The following CAMKK1 variants were observed in gnomAD, a reference collection of about 807,000 sequenced individuals.
CAMKK1 encodes the protein calcium/calmodulin dependent protein kinase kinase 1.
A neutral mutation model predicts 63.5 loss-of-function variants in CAMKK1; 20 were observed. That is an observed-to-expected ratio of 0.32 (90% CI 0.22 to 0.46). The LOEUF (loss-of-function observed/expected upper bound fraction) is 0.46, where lower values mean the gene tolerates loss of function less well. Among genes scored for constraint, CAMKK1 ranks in the 20% least tolerant of loss-of-function variants. CAMKK1 has a pLI of 1.00. For synonymous variants in CAMKK1, 253 were observed against 269.0 expected (o/e 0.94, Z 0.58); for missense variants, 588 against 658.1 (o/e 0.89, Z 1.17).
intron 12 of CAMKK1, 88 bp from the exon 13 acceptor site, chr17:3,869,976 C>T (rs1163054174): frequency 9.2e-6 from 10 of 1,084,732 alleles, no homozygotes; most frequent in East Asian, 2.4e-5. Flanking sequence ...CTTCGTCCCT[C>T]GGATGGGAAG....
rs1597498319 is a variant in CAMKK1, at chr17:3,890,873, C to T, written c.-44+2066G>A. On this transcript the variant is annotated intron_variant, in intron 1 of 15. Transcript: ENST00000348335. The surrounding 1 kb of genome is among the most constrained non-coding windows in gnomAD (Gnocchi z 6.5). ...CTCCCCACTACCTGCTGGGTGAGCT[C>T]ACCAAGTCAAACCCCTTAGAAGTCC... 1 of 717,314 alleles carries T rather than the reference C, an allele frequency of 1.4e-6. No homozygotes were observed. Among genetic ancestry groups the T allele is most frequent in the Non-Finnish European group, 2.6e-6 (1 of 384,164 alleles). The allele number at this position is 717,314 out of a possible 1,614,324, so 44.4% of individuals were successfully genotyped here.
At position 3,879,217 on chromosome 17, in the gene CAMKK1, T is replaced by C; in HGVS notation, c.796+1129A>G. 1 of 153,004 alleles carries C rather than the reference T, an allele frequency of 6.5e-6. No homozygotes were observed. The highest frequency in any genetic ancestry group is 1.5e-5 in the Non-Finnish European group (1 of 68,536). 9.5% of individuals were successfully genotyped at this position (153,004 alleles called of 1,614,324 possible). On this transcript the variant is annotated intron_variant, in intron 9 of 15. Transcript: ENST00000348335. The surrounding 1 kb of genome is among the most constrained non-coding windows in gnomAD (Gnocchi z 4.5). Reference sequence around the variant, plus strand: ...CTCCCCAGACCGGCAAGTCACTCCATGCTGACCACCCCACCTCCTTCCTAT... The same window carrying C: ...CTCCCCAGACCGGCAAGTCACTCCACGCTGACCACCCCACCTCCTTCCTAT...
At chr17:3,881,532 C>G in intron 8 of CAMKK1, 95 bp downstream of exon 8, 1 of 1,256,226 alleles carries the variant, frequency 8.0e-7, no homozygotes, top group Admixed American at 2.0e-5. Context: ...CTGACTTCTC[C>G]TAGAGTAGCT....
intron 9 of CAMKK1, among the ~76,000 whole-genome samples, chr17:3,876,743 T>TG (rs1567625253): frequency 1.4e-5 from 2 of 139,546 alleles, no homozygotes; most frequent in African/African-American, 6.0e-5. Context: ...GAGTTGTTGC[T>TG]GTTTTTTTTT....
Position 3,873,433 on chromosome 17 carries a change from C to A in CAMKK1, c.1026G>T (p.Thr342=). 2 of 1,614,152 alleles carry A rather than the reference C, an allele frequency of 1.2e-6. No homozygotes were observed. The highest frequency in any genetic ancestry group is 1.7e-6 in the Non-Finnish European group (2 of 1,180,024). Residue 342 remains threonine, a synonymous_variant, in exon 11 of 16, where the codon ACG becomes ACT. Transcript: ENST00000348335. ...CCTTCCCATAGACAAAGCAGTACAA[C>A]GTGACGCCAGTGGCCCATACATCCA... ...KALDVWATGV[T]LYCFVYGKCP...
chr17:3,882,951 C>T lies in CAMKK1; in HGVS notation c.648+91G>A, dbSNP rs980893556. 22 of 1,522,950 alleles carry T rather than the reference C, an allele frequency of 1.4e-5. No individual in the cohort carries two copies. The highest frequency in any genetic ancestry group is 1.8e-4 in the Middle Eastern group (1 of 5,672). 94.3% of individuals were successfully genotyped at this position (1,522,950 alleles called of 1,614,324 possible). Reference sequence around the variant, plus strand: ...GCCACATCTGCCACCTGGGCAAGATCCCTGGGTCTGTGCTAGGGGCTCCCC... The same window carrying T: ...GCCACATCTGCCACCTGGGCAAGATTCCTGGGTCTGTGCTAGGGGCTCCCC... On this transcript the variant is annotated intron_variant, in intron 6 of 15. Transcript: ENST00000348335. The surrounding 1 kb of genome is among the most constrained non-coding windows in gnomAD (Gnocchi z 4.3).
intron 12 of CAMKK1, among the ~76,000 whole-genome samples, chr17:3,870,342 C>T (rs1020246130): frequency 1.3e-5 from 2 of 151,808 alleles, no homozygotes; most frequent in Non-Finnish European, 2.9e-5. Context: ...CACATCAGCT[C>T]CAACTCTCTC....
chr17:3,872,774 T>C (rs1284191878), intron 11 of CAMKK1, 147 bp from the exon 12 acceptor site: 2 of 657,090 alleles, frequency 3.0e-6, no homozygotes, highest in South Asian at 3.6e-5. Context: ...ACACTGTAAA[T>C]GTTCAACAAA....
In CAMKK1 at chr17:3,883,926, A is replaced by G; in HGVS notation, c.420T>C (p.Gly140=). Residue 140 remains glycine (G), a synonymous_variant, in exon 4 of 16, where the codon GGT becomes GGC. Transcript: ENST00000348335. This position sits in a 1 kb window ranked among gnomAD's most constrained non-coding sequence, Gnocchi z 4.7. ...LQSEIGKGAY[G]VVRLAYNESE... ...TTTCGTTGTAGGCCAGCCTCACCAC[A>G]CCGTAGGCACCCTGCAGATAGGCAT... 2.5e-6 allele frequency: 4 copies of G among 1,613,592 alleles called. No individual in the cohort carries two copies. Among genetic ancestry groups the G allele is most frequent in the Non-Finnish European group, 3.4e-6 (4 of 1,179,912 alleles).
intron 11 of CAMKK1, among the ~76,000 whole-genome samples, chr17:3,873,148 CG>C (rs2054970256): frequency 6.6e-6 from 1 of 152,190 alleles, no homozygotes; most frequent in South Asian, 2.1e-4. Flanking sequence ...GACAGAGGGA[CG>C]GGGAGCACTC....
Position 3,882,687 on chromosome 17 carries a change from A to G in CAMKK1, c.649-123T>C. On this transcript the variant is annotated intron_variant, in intron 6 of 15. Transcript: ENST00000348335. This position sits in a 1 kb window ranked among gnomAD's most constrained non-coding sequence, Gnocchi z 4.3. ...TGCATGCAACCACCCCAGACAAGGA[A>G]GCAGGAAGTGTACAGGTGGTGCCAG... 1.1e-6 allele frequency: 1 copy of G among 951,368 alleles called. No homozygotes were observed. Among genetic ancestry groups the G allele is most frequent in the South Asian group, 1.5e-5 (1 of 67,688 alleles). The allele number at this position is 951,368 out of a possible 1,614,324, so 58.9% of individuals were successfully genotyped here.
intron 9 of CAMKK1, among the ~76,000 whole-genome samples, chr17:3,876,954 C>T (rs1285291614): frequency 1.3e-5 from 2 of 151,892 alleles, no homozygotes; most frequent in Non-Finnish European, 2.9e-5. Context: ...GACAGGGTTT[C>T]GCCATGTTGG....
chr17:3,870,532 AT>A lies in CAMKK1; in HGVS notation c.1125-645del, dbSNP rs1447717028. Among the ~76,000 whole-genome samples the A allele has an allele frequency of 3.3e-5, 5 of 152,024 alleles. No homozygotes were observed. In the East Asian group the frequency reaches 7.8e-4, roughly 24 times the overall value. On this transcript the variant is annotated intron_variant, in intron 12 of 15. Transcript: ENST00000348335. ...AGGTGCCCGCCACCGTGCCCGGCTA[AT>A]TTTTTGTATTTTTAGTAGAGACGGG...
chr17:3,875,707 G>A (rs1487160097), intron 10 of CAMKK1, among the ~76,000 whole-genome samples: 3 of 152,174 alleles, frequency 2.0e-5, no homozygotes, highest in Non-Finnish European at 4.4e-5. Context: ...GCGCCAGACC[G>A]TGTAACCTCT....
intron 12 of CAMKK1, among the ~76,000 whole-genome samples, chr17:3,872,289 C>T (rs576220281): frequency 6.6e-6 from 1 of 152,176 alleles, no homozygotes; most frequent in Non-Finnish European, 1.5e-5. Flanking sequence ...GGCAGGCCTG[C>T]GGTGAAGGAG....
rs547772096 is a variant in CAMKK1 at position 3,876,483 on chromosome 17, A to C, written c.797-61T>G. 9.5e-4 allele frequency: 1,386 copies of C among 1,462,600 alleles called. 4 individuals are homozygous for C. Among genetic ancestry groups the C allele is most frequent in the Middle Eastern group, 2.1e-3 (12 of 5,702 alleles). 90.6% of individuals were successfully genotyped at this position (1,462,600 alleles called of 1,614,324 possible). A position where few individuals can be genotyped will look rare whatever the true frequency, so the allele number is the denominator to read the frequency against. ...TGGGCACCGCTGGCCAGGACCCCAC[A>C]CCCGTCCTTGCACAGCCAGGGACGC... is the stretch of plus-strand genomic sequence containing the variant. On this transcript the variant is annotated intron_variant, in intron 9 of 15. Coordinates refer to ENST00000348335, the MANE Select transcript of CAMKK1 (RefSeq NM_032294.3).
At chr17:3,891,577 G>A (rs2055905313) in intron 1 of CAMKK1, among the ~76,000 whole-genome samples, 1 of 152,202 alleles carries the variant, frequency 6.6e-6, no homozygotes, top group South Asian at 2.1e-4. Context: ...GAACAGCAGG[G>A]AGGCTGACGT....
intron 9 of CAMKK1, among the ~76,000 whole-genome samples, chr17:3,877,913 G>A (rs913908981): frequency 3.3e-5 from 5 of 152,172 alleles, no homozygotes; most frequent in Non-Finnish European, 7.3e-5. Flanking sequence ...TCTGAACACA[G>A]TGCAATAACA....
intron 7 of CAMKK1, chr17:3,881,949 C>G: frequency 1.9e-6 from 1 of 538,796 alleles, no homozygotes; most frequent in Non-Finnish European, 3.3e-6. Flanking sequence ...AAGGTCATAG[C>G]AGACAGGCAG....
Sources: gnomAD v4.1 joint callset for allele counts (sites outside exome capture counted in the v4.1 genomes callset) on GRCh38, gnomAD v4.1.1 for gene constraint, Gnocchi (gnomAD v3.1) non-coding constraint, MANE v1.5 for transcripts, NCBI Gene and HGNC (gene_info 2026-07-23, HGNC 2026-07-21) for gene names.